The following PCGF5 variants were observed in gnomAD, a reference collection of about 807,000 sequenced individuals.
PCGF5 encodes the protein polycomb group ring finger 5.
PCGF5 carries 9 observed loss-of-function variants against 44.3 expected under a neutral mutation model. That is an observed-to-expected ratio of 0.20 (90% CI 0.12 to 0.35). PCGF5 has a LOEUF of 0.35. Among genes scored for constraint, PCGF5 ranks in the 10% least tolerant of loss-of-function variants. The pLI is 1.00. For synonymous variants in PCGF5, 95 were observed against 102.5 expected, an observed-to-expected ratio of 0.93 and a Z score of 0.44; for missense variants, 146 against 305.3, an observed-to-expected ratio of 0.48 and a Z score of 3.89.
intron 1 of PCGF5, among the ~76,000 whole-genome samples, chr10:91,207,473 A>G (rs1844368254): frequency 6.6e-6 from 1 of 152,216 alleles, no homozygotes; most frequent in Non-Finnish European, 1.5e-5. Flanking sequence ...ATTTAAGAAT[A>G]GTTGCAGACA....
intron 7 of PCGF5, among the ~76,000 whole-genome samples, chr10:91,263,827 A>T (rs925860980): frequency 6.6e-6 from 1 of 152,194 alleles, no homozygotes; most frequent in Non-Finnish European, 1.5e-5. Context: ...GAGAAGCCAG[A>T]CAGCCCTAAG....
At position 91,212,834 on chromosome 10, in the gene PCGF5, G is replaced by A. The variant is rs555505221; in HGVS notation, c.-183-9855G>A. ...GTAAGTTTAATTCATCTATTGGGAC[G>A]TTTGGATTTTTATTAAGCTTGATGT... On this transcript the variant is annotated intron_variant, in intron 1 of 9. Coordinates refer to the PCGF5 transcript ENST00000614189. Among the ~76,000 whole-genome samples, 10 of 152,138 alleles carry A rather than the reference G, an allele frequency of 6.6e-5. No homozygotes were observed. The South Asian group carries it at 8.3e-4, about 13-fold the overall frequency.
chr10:91,156,315 C>T, the PCGF5 span, among the ~76,000 whole-genome samples: 2 of 152,044 alleles, frequency 1.3e-5, no homozygotes, highest in South Asian at 2.1e-4. Flanking sequence ...TTTTTAGCAT[C>T]GTCAGCAGGC....
At chr10:91,183,497 G>A (rs1227932235) in intron 1 of PCGF5, among the ~76,000 whole-genome samples, 3 of 151,696 alleles carry the variant, frequency 2.0e-5, no homozygotes, top group Admixed American at 6.6e-5. Context: ...ATAGCACATC[G>A]ATGAATTTTG....
chr10:91,278,482 T>C lies in PCGF5; in HGVS notation c.*166T>C, dbSNP rs1054575381. ...TTGTCAGTTGCATTCATGTTGTTTC[T>C]ATTAGGAGCAAACCAAGTGCCATTC... On this transcript the variant is annotated 3_prime_UTR_variant, in exon 10 of 10. Coordinates refer to ENST00000336126, the MANE Select transcript of PCGF5 (RefSeq NM_032373.5). The C allele has an allele frequency of 1.5e-6, 1 of 647,100 alleles. No homozygotes were observed. Among genetic ancestry groups the C allele is most frequent in the Middle Eastern group, 2.5e-4 (1 of 3,976 alleles). 40.1% of individuals were successfully genotyped at this position (647,100 alleles called of 1,614,324 possible). A position where few individuals can be genotyped will look rare whatever the true frequency, so the allele number is the denominator to read the frequency against.
chr10:91,220,798 C>T lies in PCGF5; in HGVS notation c.-222C>T, dbSNP rs1197029672. Reference sequence around the variant, plus strand: ...ACTTTCCTTCACTCTGAGGCCGGCGCGCTGGCGGGCGAGGAGCGGCGGCGG... The same window carrying T: ...ACTTTCCTTCACTCTGAGGCCGGCGTGCTGGCGGGCGAGGAGCGGCGGCGG... On this transcript the variant is annotated 5_prime_UTR_variant, in exon 1 of 10. Coordinates refer to ENST00000336126, the MANE Select transcript of PCGF5 (RefSeq NM_032373.5). 1.3e-5 allele frequency: 2 copies of T among 153,782 alleles called. No homozygotes were observed. The highest frequency in any genetic ancestry group is 6.5e-5 in the Admixed American group (1 of 15,286). The allele number at this position is 153,782 out of a possible 1,614,324, so 9.5% of individuals were successfully genotyped here.
chr10:91,231,572 C>T (rs1298386521), intron 2 of PCGF5, among the ~76,000 whole-genome samples: 1 of 152,108 alleles, frequency 6.6e-6, no homozygotes, highest in African/African-American at 2.4e-5. Context: ...GCCCATGTGG[C>T]TGGACAGCAG....
chr10:91,281,391 A>G lies in PCGF5; in HGVS notation c.*3075A>G, dbSNP rs1173008484. On this transcript the variant is annotated 3_prime_UTR_variant, in exon 10 of 10. Transcript: ENST00000336126. The stretch of plus-strand genomic sequence containing the variant: ...ATTTAAACTGATTATTTAAGGAAAA[A>G]AAGTGTGTTATATAATATTGTGAAC... The G allele has an allele frequency of 1.3e-5, 2 of 152,564 alleles. No individual in the cohort carries two copies. Among genetic ancestry groups the G allele is most frequent in the Admixed American group, 6.5e-5 (1 of 15,284 alleles). The allele number at this position is 152,564 out of a possible 1,614,324, so 9.5% of individuals were successfully genotyped here. A position where few individuals can be genotyped will look rare whatever the true frequency, so the allele number is the denominator to read the frequency against.
intron 2 of PCGF5, among the ~76,000 whole-genome samples, chr10:91,228,168 C>G (rs1390398030): frequency 8.5e-5 from 13 of 152,088 alleles, no homozygotes; most frequent in Non-Finnish European, 5.9e-5. Flanking sequence ...CTGTCTCTTT[C>G]ACCAGGTGAC....
intron 6 of PCGF5, among the ~76,000 whole-genome samples, chr10:91,256,974 C>T (rs982878260): frequency 6.6e-6 from 1 of 151,984 alleles, no homozygotes; most frequent in African/African-American, 2.4e-5. Flanking sequence ...AAATGTAAAA[C>T]TTCATTAAAA....
intron 1 of PCGF5, among the ~76,000 whole-genome samples, chr10:91,167,907 A>T (rs892078754): frequency 6.6e-6 from 1 of 152,216 alleles, no homozygotes; most frequent in African/African-American, 2.4e-5. Context: ...AATAAAACAG[A>T]ACTTGTTGGC....
intron 1 of PCGF5, among the ~76,000 whole-genome samples, chr10:91,213,538 C>T (rs1844489803): frequency 6.6e-6 from 1 of 152,014 alleles, no homozygotes; most frequent in African/African-American, 2.4e-5. Context: ...GATCTTGGCT[C>T]ACTGCAACCT....
At position 91,174,433 on chromosome 10, in the gene PCGF5, G is replaced by C. The variant is rs147630859; in HGVS notation, c.-184+11352G>C. ...GAGGCACGAGAATCACTTGAACCCA[G>C]GAGGTGGAGATTGTAGTGAGCTGAA... On this transcript the variant is annotated intron_variant, in intron 1 of 9. Transcript: ENST00000614189. Among the ~76,000 whole-genome samples, 777 of 152,244 alleles carry C rather than the reference G, an allele frequency of 5.1e-3. 8 individuals are homozygous for C. Among genetic ancestry groups the C allele is most frequent in the African/African-American group, 0.018 (739 of 41,574 alleles).
intron 1 of PCGF5, among the ~76,000 whole-genome samples, chr10:91,206,739 T>A (rs1390765302): frequency 6.6e-6 from 1 of 152,168 alleles, no homozygotes; most frequent in South Asian, 2.1e-4. Context: ...TCTCTGTTGC[T>A]ATCTGCACCT....
In PCGF5 at chr10:91,192,335, A is replaced by C. The variant is rs549527182; in HGVS notation, c.-184+29254A>C. Among the ~76,000 whole-genome samples, 11 of 152,364 alleles carry C rather than the reference A, an allele frequency of 7.2e-5. No homozygotes were observed. In the East Asian group the frequency reaches 2.1e-3, roughly 29 times the overall value. ...TACCTGGATAATAGTCTAAAAATGA[A>C]GCATTCTTATTTTCATAAAAACAAT... is the stretch of plus-strand genomic sequence containing the variant. On this transcript the variant is annotated intron_variant, in intron 1 of 9. Transcript: ENST00000614189.
chr10:91,269,022 G>C (rs1846112991), intron 8 of PCGF5, among the ~76,000 whole-genome samples: 1 of 152,052 alleles, frequency 6.6e-6, no homozygotes, highest in African/African-American at 2.4e-5. Flanking sequence ...CATGCTTCTT[G>C]ATCTTTAATG....
intron 2 of PCGF5, among the ~76,000 whole-genome samples, chr10:91,236,892 G>T (rs556835406): frequency 6.6e-6 from 1 of 152,088 alleles, no homozygotes; most frequent in East Asian, 1.9e-4. Context: ...CTACTGAAAA[G>T]GGCTCTATAC....
At chr10:91,260,751 A>G (rs1284442911) in intron 6 of PCGF5, among the ~76,000 whole-genome samples, 1 of 142,582 alleles carries the variant, frequency 7.0e-6, no homozygotes, top group Non-Finnish European at 1.5e-5. Flanking sequence ...ATAGGTGGGA[A>G]TTGAACAATG....
chr10:91,255,263 CAA>C (rs1203922584), intron 6 of PCGF5, among the ~76,000 whole-genome samples: 1 of 152,052 alleles, frequency 6.6e-6, no homozygotes, highest in Non-Finnish European at 1.5e-5. Flanking sequence ...TTGGAGCAAA[CAA>C]GAGACTAACC....
Sources: gnomAD v4.1 joint callset for allele counts (sites outside exome capture counted in the v4.1 genomes callset) on GRCh38, gnomAD v4.1.1 for gene constraint, MANE v1.5 for transcripts, NCBI Gene and HGNC (gene_info 2026-07-23, HGNC 2026-07-21) for gene names.